Variants in PHACTR1 observed in about 807,000 individuals in gnomAD.
The protein encoded by PHACTR1 is phosphatase and actin regulator 1.
Under a neutral mutation model 69.2 loss-of-function variants are expected in PHACTR1, and 16 were observed. The observed-to-expected ratio is 0.23, with a 90% CI of 0.16 to 0.35. The LOEUF is 0.35. Ranked by LOEUF, PHACTR1 falls within the 10% of genes least tolerant of loss-of-function variation. PHACTR1 has a pLI of 1.00. For synonymous variants in PHACTR1, 312 were observed against 284.5 expected (o/e 1.10, Z -0.97); for missense variants, 510 against 734.7 (o/e 0.69, Z 3.54).
intron 7 of PHACTR1, among the ~76,000 whole-genome samples, chr6:13,193,506 C>T (rs1251595909): frequency 6.6e-6 from 1 of 150,828 alleles, no homozygotes; most frequent in Non-Finnish European, 1.5e-5. Flanking sequence ...CCCACCTCAG[C>T]CTCCCAAGTA....
chr6:13,170,107 T>C (rs980817332), intron 6 of PHACTR1, among the ~76,000 whole-genome samples: 3 of 152,190 alleles, frequency 2.0e-5, no homozygotes, highest in Non-Finnish European at 2.9e-5. Context: ...CTACATCACA[T>C]GCGTATACCA....
chr6:13,214,801 A>C (rs1767420323), intron 8 of PHACTR1, among the ~76,000 whole-genome samples: 1 of 152,214 alleles, frequency 6.6e-6, no homozygotes, highest in Non-Finnish European at 1.5e-5. Context: ...TTTTGTTACT[A>C]GTATCATTCA....
At chr6:12,919,814 T>C (rs1468345651) in intron 4 of PHACTR1, among the ~76,000 whole-genome samples, 2 of 152,208 alleles carry the variant, frequency 1.3e-5, no homozygotes, top group African/African-American at 4.8e-5. Flanking sequence ...CCTACATCTT[T>C]TGCGTCTTTT....
At chr6:12,846,931 A>C (rs530438296) in intron 4 of PHACTR1, among the ~76,000 whole-genome samples, 14 of 151,982 alleles carry the variant, frequency 9.2e-5, no homozygotes, top group African/African-American at 3.4e-4. Flanking sequence ...CAGCTTCCTG[A>C]GTAGCTAGGA....
chr6:12,897,598 C>T (rs1582361065), intron 4 of PHACTR1, among the ~76,000 whole-genome samples: 1 of 152,132 alleles, frequency 6.6e-6, no homozygotes, highest in African/African-American at 2.4e-5. Flanking sequence ...TTATTTATAT[C>T]CTCAATTTGG....
chr6:12,851,504 T>C (rs1438696351), intron 4 of PHACTR1, among the ~76,000 whole-genome samples: 2 of 152,210 alleles, frequency 1.3e-5, no homozygotes, highest in East Asian at 3.9e-4. Flanking sequence ...AACAGTCTAA[T>C]GCAATAAAAG....
chr6:12,900,712 T>C (rs1403073055), intron 4 of PHACTR1, among the ~76,000 whole-genome samples: 1 of 152,166 alleles, frequency 6.6e-6, no homozygotes, highest in Non-Finnish European at 1.5e-5. Context: ...TATATATACA[T>C]ATCAATTTTT....
chr6:13,175,734 C>T (rs546003583), intron 6 of PHACTR1, among the ~76,000 whole-genome samples: 1 of 152,210 alleles, frequency 6.6e-6, no homozygotes, highest in Non-Finnish European at 1.5e-5. Context: ...TATTAGCACT[C>T]TTCTTCTGTC....
At chr6:12,878,137 C>T (rs1215748524) in intron 4 of PHACTR1, among the ~76,000 whole-genome samples, 1 of 152,214 alleles carries the variant, frequency 6.6e-6, no homozygotes, top group Non-Finnish European at 1.5e-5. Context: ...TAGGATAAGC[C>T]TTCGGTGAAT....
Position 12,791,103 on chromosome 6 carries a change from T to G in PHACTR1, c.250+41313T>G, listed in dbSNP as rs17679094. On this transcript the variant is annotated intron_variant, in intron 4 of 14. Transcript: ENST00000332995. ...GGAGGTGGCAGGATAAGGACAGTCA[T>G]GTAAGCAATTTTGTATAATAGGAAA... Among the ~76,000 whole-genome samples the G allele has an allele frequency of 4.6e-3, 697 of 152,272 alleles. 3 individuals carry two copies. Among genetic ancestry groups the G allele is most frequent in the Non-Finnish European group, 7.1e-3 (480 of 68,012 alleles).
intron 3 of PHACTR1, among the ~76,000 whole-genome samples, chr6:12,740,080 T>G (rs1047317971): frequency 6.6e-6 from 1 of 152,206 alleles, no homozygotes; most frequent in African/African-American, 2.4e-5. Context: ...AATGGAATCA[T>G]GTGGTATGTA....
At chr6:12,991,906 C>T (rs1283295393) in intron 4 of PHACTR1, among the ~76,000 whole-genome samples, 2 of 151,612 alleles carry the variant, frequency 1.3e-5, no homozygotes, top group African/African-American at 2.4e-5. Context: ...CACAGCCTTA[C>T]TCAATTATGG....
intron 9 of PHACTR1, among the ~76,000 whole-genome samples, chr6:13,228,850 G>T (rs1245134190): frequency 6.6e-6 from 1 of 152,236 alleles, no homozygotes; most frequent in African/African-American, 2.4e-5. Context: ...TTTGATGCGG[G>T]CTCTGTCACA....
chr6:12,971,328 T>G (rs1033836817), intron 4 of PHACTR1, among the ~76,000 whole-genome samples: 2 of 152,222 alleles, frequency 1.3e-5, no homozygotes, highest in Non-Finnish European at 2.9e-5. Flanking sequence ...AGCTGTCTTC[T>G]TTGATACCTG....
intron 5 of PHACTR1, among the ~76,000 whole-genome samples, chr6:13,130,211 A>G (rs1820201427): frequency 6.6e-6 from 1 of 152,184 alleles, no homozygotes; most frequent in Admixed American, 6.5e-5. Context: ...GTGCAAATAG[A>G]CAATCTAATG....
At chr6:12,957,571 C>T in intron 4 of PHACTR1, 2 of 985,664 alleles carry the variant, frequency 2.0e-6, no homozygotes, top group African/African-American at 1.7e-5. Context: ...GCCCCACCGG[C>T]TGGAGGCTGC....
intron 4 of PHACTR1, among the ~76,000 whole-genome samples, chr6:12,983,572 G>T (rs1795771638): frequency 6.6e-6 from 1 of 152,052 alleles, no homozygotes; most frequent in South Asian, 2.1e-4. Flanking sequence ...TGTACTTCAA[G>T]TTCTAGGGTA....
intron 4 of PHACTR1, among the ~76,000 whole-genome samples, chr6:12,758,292 A>C (rs534625285): frequency 6.6e-5 from 10 of 151,578 alleles, no homozygotes; most frequent in African/African-American, 2.2e-4. Flanking sequence ...AAAATCCAAA[A>C]GTTAGCCGGT....
rs768172789 is a variant in PHACTR1 at position 13,208,629 on chromosome 6, C to G, written c.986+2493C>G. On this transcript the variant is annotated intron_variant, in intron 8 of 14. Coordinates refer to ENST00000332995, the MANE Select transcript of PHACTR1 (RefSeq NM_030948.6). ...ATGTAGCAGCCAACGTCATTGCTGC[C>G]CACCCCCCCAACCCCATGTCTACAT... is the stretch of plus-strand genomic sequence containing the variant. 2.5e-3 allele frequency among the ~76,000 whole-genome samples: 355 copies of G among 140,734 alleles called. 2 individuals are homozygous for G. Among genetic ancestry groups the G allele is most frequent in the Admixed American group, 6.7e-3 (98 of 14,542 alleles). The allele number at this position is 140,734 out of a possible 152,430, so 92.3% of individuals were successfully genotyped here.
Sources: allele counts gnomAD v4.1 joint callset (sites outside exome capture counted in the v4.1 genomes callset), GRCh38; gene constraint gnomAD v4.1.1; transcripts MANE v1.5; gene names NCBI Gene and HGNC (gene_info 2026-07-23, HGNC 2026-07-21).